Variants in VAV2 observed in about 807,000 individuals in gnomAD.
VAV2 encodes the protein guanine nucleotide exchange factor VAV2.
VAV2 carries 67 observed loss-of-function variants against 132.5 expected under a neutral mutation model. The ratio of observed to expected loss-of-function variants is 0.51; its 90% CI spans 0.42 to 0.62. The LOEUF is 0.62. Among genes scored for constraint, VAV2 ranks in the 20% least tolerant of loss-of-function variants. VAV2 has a pLI of 0.00. For synonymous variants in VAV2, 492 were observed against 443.5 expected, an observed-to-expected ratio of 1.11 and a Z score of -1.37; for missense variants, 938 against 1,153.6, an observed-to-expected ratio of 0.81 and a Z score of 2.71.
In VAV2 at chr9:133,782,455, T is replaced by C. The variant is rs943981526; in HGVS notation, c.1723+1048A>G. 4.6e-5 allele frequency among the ~76,000 whole-genome samples: 7 copies of C among 152,228 alleles called. No individual in the cohort carries two copies. The East Asian group carries it at 5.8e-4, about 13-fold the overall frequency. ...TCCTGTGCACAGCTAGGGGGCTGCATTGGGCCTGTGATGGGGACAAGGGGG... is the reference window on the plus strand; with the variant it reads ...TCCTGTGCACAGCTAGGGGGCTGCACTGGGCCTGTGATGGGGACAAGGGGG... On this transcript the variant is annotated intron_variant, in intron 19 of 29. Transcript: ENST00000371850.
intron 3 of VAV2, among the ~76,000 whole-genome samples, chr9:133,837,312 A>G (rs940109498): frequency 6.6e-6 from 1 of 152,232 alleles, no homozygotes; most frequent in Admixed American, 6.5e-5. Flanking sequence ...GTTAGGGCCT[A>G]AGAGCCCCAC....
chr9:133,937,907 T>C (rs1206254483), intron 2 of VAV2, among the ~76,000 whole-genome samples: 4 of 152,156 alleles, frequency 2.6e-5, no homozygotes, highest in Non-Finnish European at 4.4e-5. Context: ...GATGGGCTCA[T>C]GAAGAGGTCC....
chr9:133,958,183 G>A (rs1348001624), intron 1 of VAV2, among the ~76,000 whole-genome samples: 2 of 132,780 alleles, frequency 1.5e-5, no homozygotes, highest in East Asian at 2.2e-4. Context: ...CCCCCAGCCC[G>A]ACACCCGTAA....
Position 133,788,586 on chromosome 9 carries a change from C to T in VAV2, c.1275-100G>A. ...AGCCTGAGGCTCTGGCACGCGGCTC[C>T]CTCTCCGGGCGAGCCCTGCCCTCAC... On this transcript the variant is annotated intron_variant, in intron 14 of 29. Coordinates refer to ENST00000371850, the MANE Select transcript of VAV2 (RefSeq NM_001134398.2). The surrounding 1 kb of genome is among the most constrained non-coding windows in gnomAD (Gnocchi z 5.3). 1 of 1,502,878 alleles carries T rather than the reference C, an allele frequency of 6.7e-7. No individual in the cohort carries two copies. The highest frequency in any genetic ancestry group is 9.0e-7 in the Non-Finnish European group (1 of 1,112,264). The allele number at this position is 1,502,878 out of a possible 1,614,324, so 93.1% of individuals were successfully genotyped here. A position where few individuals can be genotyped will look rare whatever the true frequency, so the allele number is the denominator to read the frequency against.
chr9:133,795,802 C>T lies in VAV2; in HGVS notation c.1033-66G>A, dbSNP rs1362916941. 67 of 1,535,826 alleles carry T rather than the reference C, an allele frequency of 4.4e-5. 1 individual carries two copies. The highest frequency in any genetic ancestry group is 5.8e-5 in the Non-Finnish European group (65 of 1,113,246). ...GTTCTGGCCTCTGCCCTGGCCCCTA[C>T]CTGGGGCAGGAGGTGTGCACAGAAC... On this transcript the variant is annotated intron_variant, in intron 11 of 29. Coordinates refer to ENST00000371850, the MANE Select transcript of VAV2 (RefSeq NM_001134398.2).
At chr9:133,813,495 C>T (rs1052131329) in intron 4 of VAV2, among the ~76,000 whole-genome samples, 4 of 152,220 alleles carry the variant, frequency 2.6e-5, no homozygotes, top group Admixed American at 6.5e-5. Flanking sequence ...AGGGAGGGCC[C>T]GTGTGCATTC....
chr9:133,838,906 A>AATGG (rs1342852707), intron 3 of VAV2, among the ~76,000 whole-genome samples: 6 of 80,850 alleles, frequency 7.4e-5, no homozygotes, highest in Non-Finnish European at 1.4e-4. Context: ...TGGATGAATG[A>AATGG]ATGGATGTAT....
chr9:133,927,735 A>G (rs1317392894), intron 2 of VAV2: 2 of 152,306 alleles, frequency 1.3e-5, no homozygotes, highest in African/African-American at 4.8e-5. Context: ...AATGACCCTC[A>G]AGCAGGTACA....
chr9:133,854,242 C>T (rs1837301816), intron 3 of VAV2, among the ~76,000 whole-genome samples: 1 of 150,828 alleles, frequency 6.6e-6, no homozygotes, highest in African/African-American at 2.5e-5. Flanking sequence ...TGCACACATA[C>T]ATGCACTCAT....
chr9:133,821,608 G>A (rs545505718), intron 4 of VAV2, among the ~76,000 whole-genome samples: 8 of 152,284 alleles, frequency 5.3e-5, no homozygotes, highest in African/African-American at 9.6e-5. Context: ...CACAGGGGCC[G>A]GTCTCAACAC....
chr9:133,810,688 G>A (rs538375837), intron 5 of VAV2, among the ~76,000 whole-genome samples: 1 of 152,158 alleles, frequency 6.6e-6, no homozygotes, highest in South Asian at 2.1e-4. Context: ...AGCCTGGCAG[G>A]TTCTGTGGAC....
chr9:133,903,561 A>G (rs1839526974), intron 2 of VAV2, among the ~76,000 whole-genome samples: 1 of 152,180 alleles, frequency 6.6e-6, no homozygotes, highest in Non-Finnish European at 1.5e-5. Context: ...GCTGCACACA[A>G]GCCTTTTCTG....
intron 4 of VAV2, among the ~76,000 whole-genome samples, chr9:133,832,804 CCG>C (rs1359757771): frequency 6.6e-6 from 1 of 152,162 alleles, no homozygotes. Flanking sequence ...GGTGATCCGC[CCG>C]CCTCAGCCTC....
At chr9:133,787,056 C>T (rs1024154402) in intron 16 of VAV2, among the ~76,000 whole-genome samples, 190 bp downstream of exon 16, 6 of 152,208 alleles carry the variant, frequency 3.9e-5, no homozygotes, top group Non-Finnish European at 7.3e-5. Flanking sequence ...TTCACACTGT[C>T]TTAGCGGGCA....
At chr9:133,822,657 G>A (rs755498326) in intron 4 of VAV2, among the ~76,000 whole-genome samples, 1 of 152,142 alleles carries the variant, frequency 6.6e-6, no homozygotes, top group Admixed American at 6.5e-5. Flanking sequence ...CCACATAGGC[G>A]GGTACCTGCA....
intron 1 of VAV2, among the ~76,000 whole-genome samples, chr9:133,974,190 G>T (rs965678969): frequency 3.3e-5 from 5 of 152,058 alleles, no homozygotes; most frequent in Non-Finnish European, 5.9e-5. Context: ...GTATCTGCCT[G>T]TGTCCTCCTG....
chr9:133,992,324 T>G lies in VAV2; in HGVS notation c.-46A>C. ...GCTCAGGGCAGTGCTCGAGCCAAAGTGCAGCGGCCGCGGGGCATCCCGCCC... is the reference window on the plus strand; with the variant it reads ...GCTCAGGGCAGTGCTCGAGCCAAAGGGCAGCGGCCGCGGGGCATCCCGCCC... On this transcript the variant is annotated 5_prime_UTR_variant, in exon 1 of 30. Transcript: ENST00000371850. This position sits in a 1 kb window ranked among gnomAD's most constrained non-coding sequence, Gnocchi z 5.5. 8.0e-7 allele frequency: 1 copy of G among 1,245,448 alleles called. No individual in the cohort carries two copies. Among genetic ancestry groups the G allele is most frequent in the Non-Finnish European group, 1.0e-6 (1 of 990,024 alleles). 77.1% of individuals were successfully genotyped at this position (1,245,448 alleles called of 1,614,324 possible).
intron 1 of VAV2, among the ~76,000 whole-genome samples, chr9:133,940,287 G>A (rs991635891): frequency 1.3e-5 from 2 of 152,140 alleles, no homozygotes; most frequent in African/African-American, 4.8e-5. Flanking sequence ...GGGAGGGTGT[G>A]GCACACACAG....
intron 3 of VAV2, among the ~76,000 whole-genome samples, chr9:133,852,270 G>A (rs1450936165): frequency 6.6e-6 from 1 of 151,994 alleles, no homozygotes. Context: ...ACCTGGATGG[G>A]TGGAAGGATG....
Sources: gnomAD v4.1 joint callset for allele counts (sites outside exome capture counted in the v4.1 genomes callset) on GRCh38, gnomAD v4.1.1 for gene constraint, Gnocchi (gnomAD v3.1) non-coding constraint, MANE v1.5 for transcripts, NCBI Gene and HGNC (gene_info 2026-07-23, HGNC 2026-07-21) for gene names.